The following SLC35A1 variants were observed in gnomAD, a reference collection of about 807,000 sequenced individuals.
SLC35A1 encodes the protein solute carrier family 35 member A1, also known as CMP-sialic acid transporter.
Under a neutral mutation model 40.3 loss-of-function variants are expected in SLC35A1, and 21 were observed. The ratio of observed to expected loss-of-function variants is 0.52; its 90% CI spans 0.37 to 0.75. The LOEUF is 0.75. SLC35A1 is among the 30% of genes least tolerant of loss of function. The pLI, the probability that SLC35A1 is intolerant of heterozygous loss-of-function variation, is 0.00. For missense variants in SLC35A1, 297 were observed against 382.1 expected, an observed-to-expected ratio of 0.78 and a Z score of 1.86; for synonymous variants, 146 against 147.3, an observed-to-expected ratio of 0.99 and a Z score of 0.06.
At chr6:87,491,585 T>C (rs1769554978) in intron 2 of SLC35A1, among the ~76,000 whole-genome samples, 1 of 152,230 alleles carries the variant, frequency 6.6e-6, no homozygotes, top group South Asian at 2.1e-4. Flanking sequence ...TCTTAACTTT[T>C]TATTTCCAAA....
intron 4 of SLC35A1, among the ~76,000 whole-genome samples, chr6:87,506,036 A>C (rs1770071206): frequency 6.7e-6 from 1 of 149,438 alleles, no homozygotes; most frequent in South Asian, 2.1e-4. Flanking sequence ...ATAAGCTCTT[A>C]AATTAGAGTG....
intron 2 of SLC35A1, among the ~76,000 whole-genome samples, chr6:87,483,984 C>T (rs992026870): frequency 1.3e-5 from 2 of 152,190 alleles, no homozygotes; most frequent in African/African-American, 4.8e-5. Flanking sequence ...CACACAACAC[C>T]ACAAGCAGGG....
chr6:87,507,565 A>G lies in SLC35A1; in HGVS notation c.575-855A>G, dbSNP rs560638243. Among the ~76,000 whole-genome samples, 7 of 152,262 alleles carry G rather than the reference A, an allele frequency of 4.6e-5. No homozygotes were observed. The East Asian group carries it at 9.6e-4, about 21-fold the overall frequency. On this transcript the variant is annotated intron_variant, in intron 5 of 7. Transcript: ENST00000369552. ...ATCAGAGGTGAAAATAAGAATAGCT[A>G]TTTTATGTTCCCATTCCAACAGACT... is the stretch of plus-strand genomic sequence containing the variant.
chr6:87,487,784 T>A (rs1582175506), intron 2 of SLC35A1, among the ~76,000 whole-genome samples: 1 of 152,222 alleles, frequency 6.6e-6, no homozygotes, highest in African/African-American at 2.4e-5. Context: ...CAAGGCAGAA[T>A]GTTAACTTGT....
At position 87,494,422 on chromosome 6, in the gene SLC35A1, A is replaced by AT. The variant is rs61583010; in HGVS notation, c.195-6068dup. 3.5e-3 allele frequency among the ~76,000 whole-genome samples: 467 copies of AT among 132,834 alleles called. 2 individuals carry two copies. Among genetic ancestry groups the AT allele is most frequent in the Non-Finnish European group, 4.5e-3 (279 of 62,420 alleles). The allele number at this position is 132,834 out of a possible 152,430, so 87.1% of individuals were successfully genotyped here. A position where few individuals can be genotyped will look rare whatever the true frequency, so the allele number is the denominator to read the frequency against. On this transcript the variant is annotated intron_variant, in intron 2 of 7. Transcript: ENST00000369552. ...AAGGTGATTTTTTTTAAATATTTGAATTTTTTTTTTTTTTTTTTGAGACAG... is the reference window on the plus strand; with the variant it reads ...AAGGTGATTTTTTTTAAATATTTGAATTTTTTTTTTTTTTTTTTTGAGACAG...
chr6:87,479,645 T>C (rs1442097514), intron 2 of SLC35A1, among the ~76,000 whole-genome samples: 1 of 152,176 alleles, frequency 6.6e-6, no homozygotes, highest in East Asian at 1.9e-4. Context: ...TCTGCTAATA[T>C]CATGTCTAAG....
chr6:87,477,664 A>AT (rs1288146738), intron 2 of SLC35A1, 125 bp downstream of exon 2: 4 of 827,418 alleles, frequency 4.8e-6, no homozygotes, highest in Non-Finnish European at 7.9e-6. Context: ...ACTAGGGGTG[A>AT]TTTTGCCCCC....
Position 87,508,409 on chromosome 6 carries a change from T to C in SLC35A1, c.575-11T>C. The C allele has an allele frequency of 6.4e-7, 1 of 1,559,258 alleles. No individual in the cohort carries two copies. The highest frequency in any genetic ancestry group is 8.8e-7 in the Non-Finnish European group (1 of 1,132,914). On this transcript the variant is annotated splice_polypyrimidine_tract_variant and intron_variant, in intron 5 of 7. Transcript: ENST00000369552. ...TAATCTTTAATATTTGCATGTCTAATTTTCTTTCAGGAGTATATTTTGAAA... is the reference window on the plus strand; with the variant it reads ...TAATCTTTAATATTTGCATGTCTAACTTTCTTTCAGGAGTATATTTTGAAA...
At chr6:87,497,241 A>G (rs1340581200) in intron 2 of SLC35A1, among the ~76,000 whole-genome samples, 1 of 151,224 alleles carries the variant, frequency 6.6e-6, no homozygotes, top group Non-Finnish European at 1.5e-5. Context: ...TAACATTGCT[A>G]TAATCTTTGG....
At chr6:87,505,090 C>T (rs1487710080) in intron 4 of SLC35A1, among the ~76,000 whole-genome samples, 1 of 152,178 alleles carries the variant, frequency 6.6e-6, no homozygotes, top group African/African-American at 2.4e-5. Flanking sequence ...GGTGCCACTG[C>T]TGCTGATCCA....
At position 87,501,295 on chromosome 6, in the gene SLC35A1, A is replaced by C; in HGVS notation, c.492A>C (p.Gln164His). The C allele has an allele frequency of 6.2e-7, 1 of 1,613,956 alleles. No individual in the cohort carries two copies. The highest frequency in any genetic ancestry group is 8.5e-7 in the Non-Finnish European group (1 of 1,179,910). Residue 164 changes from glutamine (Q) to histidine (H), a missense_variant, in exon 4 of 8, where the codon CAA (glutamine) becomes CAC (histidine). Physicochemically the swap from Gln to His is conservative, Grantham distance 24. Coordinates refer to ENST00000369552, the MANE Select transcript of SLC35A1 (RefSeq NM_006416.5). ...GVTLVQWKPAQATKVVVEQNP... is the reference protein window; with the variant it reads ...GVTLVQWKPAHATKVVVEQNP... Reference sequence around the variant, plus strand: ...CGCTTGTACAGTGGAAACCAGCCCAAGCTACAAAAGTGGTGGTAAGAAACA... The same window carrying C: ...CGCTTGTACAGTGGAAACCAGCCCACGCTACAAAAGTGGTGGTAAGAAACA...
At chr6:87,474,374 A>G (rs967987475) in intron 1 of SLC35A1, among the ~76,000 whole-genome samples, 1 of 151,772 alleles carries the variant, frequency 6.6e-6, no homozygotes, top group Admixed American at 6.6e-5. Context: ...AACATAACCG[A>G]AAAAAAACAT....
intron 1 of SLC35A1, among the ~76,000 whole-genome samples, chr6:87,476,360 T>C (rs188208594): frequency 2.0e-5 from 3 of 152,326 alleles, no homozygotes; most frequent in Admixed American, 2.0e-4. Flanking sequence ...TGCCTTTAAA[T>C]CTAGAATATA....
intron 2 of SLC35A1, chr6:87,495,962 G>C (rs1269466458): frequency 6.6e-6 from 1 of 152,068 alleles, no homozygotes; most frequent in Non-Finnish European, 1.5e-5. Context: ...GCCAATCAAA[G>C]TCTTTTTAGG....
At chr6:87,489,096 G>T (rs1221181759) in intron 2 of SLC35A1, among the ~76,000 whole-genome samples, 1 of 152,222 alleles carries the variant, frequency 6.6e-6, no homozygotes, top group African/African-American at 2.4e-5. Context: ...GTAGGCTGAA[G>T]GGTATAACTG....
intron 2 of SLC35A1, chr6:87,496,112 G>A (rs1015426343): frequency 6.6e-6 from 1 of 152,196 alleles, no homozygotes; most frequent in Admixed American, 6.5e-5. Flanking sequence ...ATGCCTCCTA[G>A]TAGTTCTTGT....
intron 2 of SLC35A1, among the ~76,000 whole-genome samples, chr6:87,495,786 G>C (rs1477013669): frequency 6.6e-6 from 1 of 151,854 alleles, no homozygotes; most frequent in African/African-American, 2.4e-5. Context: ...CTCCCGAGTA[G>C]CTGGGACTAC....
intron 7 of SLC35A1, among the ~76,000 whole-genome samples, chr6:87,510,360 T>C (rs1770226357): frequency 6.6e-6 from 1 of 152,172 alleles, no homozygotes; most frequent in Non-Finnish European, 1.5e-5. Flanking sequence ...CAGTAGAAAA[T>C]GCTTTTGTTT....
At chr6:87,489,832 T>A (rs997990090) in intron 2 of SLC35A1, among the ~76,000 whole-genome samples, 6 of 107,484 alleles carry the variant, frequency 5.6e-5, no homozygotes, top group South Asian at 2.7e-4. Flanking sequence ...CCTGGCCAAA[T>A]TTTTTTTTTT....
Sources: allele counts gnomAD v4.1 joint callset (sites outside exome capture counted in the v4.1 genomes callset), GRCh38; gene constraint gnomAD v4.1.1; transcripts MANE v1.5; gene names NCBI Gene and HGNC (gene_info 2026-07-23, HGNC 2026-07-21).